SEMA6A: variants seen among roughly 807,000 people sequenced by gnomAD.
The protein encoded by SEMA6A is semaphorin-6A.
Under a neutral mutation model 96.8 loss-of-function variants are expected in SEMA6A, and 25 were observed. The observed-to-expected ratio is 0.26, with a 90% confidence interval of 0.19 to 0.36. SEMA6A has a LOEUF of 0.36. SEMA6A is among the 10% of genes least tolerant of loss of function. The pLI is 1.00. For synonymous variants in SEMA6A, 612 were observed against 518.0 expected, an observed-to-expected ratio of 1.18 and a Z score of -2.46; for missense variants, 1,363 against 1,323.1, an observed-to-expected ratio of 1.03 and a Z score of -0.47.
At chr5:116,516,160 G>C (rs1758657930) in intron 1 of SEMA6A, among the ~76,000 whole-genome samples, 1 of 152,096 alleles carries the variant, frequency 6.6e-6, no homozygotes, top group Non-Finnish European at 1.5e-5. Flanking sequence ...GTTTCTATTT[G>C]ATTACAAGCT....
intron 18 of SEMA6A, among the ~76,000 whole-genome samples, chr5:116,455,393 CAG>C (rs1364468525): frequency 2.0e-5 from 3 of 152,222 alleles, no homozygotes; most frequent in Non-Finnish European, 4.4e-5. Context: ...AAAGTTTTAG[CAG>C]AGTCTGCAAG....
chr5:116,501,804 T>C (rs1379101844), intron 3 of SEMA6A, among the ~76,000 whole-genome samples: 1 of 152,090 alleles, frequency 6.6e-6, no homozygotes, highest in Non-Finnish European at 1.5e-5. Flanking sequence ...AGAGAATTGC[T>C]TGAACCCAGG....
chr5:116,474,837 A>G (rs1445958080), intron 16 of SEMA6A, among the ~76,000 whole-genome samples: 1 of 152,220 alleles, frequency 6.6e-6, no homozygotes, highest in Non-Finnish European at 1.5e-5. Context: ...AGAGTATGGT[A>G]TTATTCTTTA....
intron 1 of SEMA6A, among the ~76,000 whole-genome samples, chr5:116,505,438 G>C (rs1758098575): frequency 6.9e-6 from 1 of 144,590 alleles, no homozygotes; most frequent in South Asian, 2.3e-4. Flanking sequence ...CCAACACACA[G>C]GTACACAGAC....
At chr5:116,477,266 AGGC>A (rs1308035921) in intron 15 of SEMA6A, among the ~76,000 whole-genome samples, 421 of 152,348 alleles carry the variant, frequency 2.8e-3, no homozygotes, top group Non-Finnish European at 4.7e-3. Flanking sequence ...CCAAAATCAT[AGGC>A]ATGGTGGACT....
At chr5:116,525,747 A>G (rs1232735788) in intron 1 of SEMA6A, among the ~76,000 whole-genome samples, 1 of 152,230 alleles carries the variant, frequency 6.6e-6, no homozygotes, top group Non-Finnish European at 1.5e-5. Context: ...GGAATAGCCT[A>G]TAGTCATTGG....
intron 18 of SEMA6A, among the ~76,000 whole-genome samples, chr5:116,448,777 C>A (rs779939363): frequency 0.038 from 2,835 of 75,400 alleles, 40 homozygotes; most frequent in Non-Finnish European, 0.061. Flanking sequence ...AAAAAAAAAA[C>A]AGTGCAAACT....
chr5:116,475,684 G>C (rs1174348703), intron 15 of SEMA6A, 81 bp from the exon 16 acceptor site: 6 of 995,182 alleles, frequency 6.0e-6, no homozygotes, highest in Non-Finnish European at 9.2e-6. Flanking sequence ...CTTCACTAAA[G>C]ACAGTAACAC....
At chr5:116,483,101 A>C (rs1580417921) in intron 10 of SEMA6A, among the ~76,000 whole-genome samples, 2 of 152,346 alleles carry the variant, frequency 1.3e-5, no homozygotes, top group South Asian at 4.1e-4. Context: ...CTGTACATTT[A>C]AATTTTTACC....
chr5:116,475,240 T>C lies in SEMA6A; in HGVS notation c.1708+305A>G, dbSNP rs528270683. The stretch of plus-strand genomic sequence containing the variant: ...AGCATGTTTTTAAAAACAGCAAAAC[T>C]GTCATTTTGTAATGGAAATGCTGAT... On this transcript the variant is annotated intron_variant, in intron 16 of 18. Transcript: ENST00000343348. Among the ~76,000 whole-genome samples the C allele has an allele frequency of 2.0e-5, 3 of 152,340 alleles. No homozygotes were observed. The East Asian group carries it at 5.8e-4, about 29-fold the overall frequency.
Position 116,513,132 on chromosome 5 carries a change from T to TC in SEMA6A, c.-38-8151_-38-8150insG, listed in dbSNP as rs565250583. On this transcript the variant is annotated intron_variant, in intron 1 of 18. Transcript: ENST00000343348. ...ATCCATTATAAAGGCAGCTATCTTTTTTTTTTTCCCCCGCGACGGAGTTTC... is the reference window on the plus strand; with the variant it reads ...ATCCATTATAAAGGCAGCTATCTTTTCTTTTTTTCCCCCGCGACGGAGTTTC... Among the ~76,000 whole-genome samples, 37 of 151,942 alleles carry TC rather than the reference T, an allele frequency of 2.4e-4. 1 individual carries two copies. Among genetic ancestry groups the TC allele is most frequent in the Admixed American group, 2.1e-3 (32 of 15,260 alleles).
At chr5:116,525,561 C>G (rs1291183693) in intron 1 of SEMA6A, among the ~76,000 whole-genome samples, 1 of 152,020 alleles carries the variant, frequency 6.6e-6, no homozygotes, top group East Asian at 1.9e-4. Context: ...TTCCAATTTC[C>G]CCCTGTCCTC....
chr5:116,487,397 A>G (rs925544828), intron 9 of SEMA6A, among the ~76,000 whole-genome samples: 1 of 152,220 alleles, frequency 6.6e-6, no homozygotes, highest in Non-Finnish European at 1.5e-5. Context: ...TCTCTGGTAA[A>G]AAGAACTAAA....
intron 1 of SEMA6A, among the ~76,000 whole-genome samples, chr5:116,515,126 C>A (rs898867928): frequency 1.3e-5 from 2 of 152,082 alleles, no homozygotes; most frequent in Non-Finnish European, 2.9e-5. Context: ...GGTAGAAGGG[C>A]CAGGCCAAGA....
chr5:116,497,428 T>C (rs747625173), intron 3 of SEMA6A, 41 bp from the exon 4 acceptor site: 1 of 1,222,836 alleles, frequency 8.2e-7, no homozygotes, highest in Non-Finnish European at 1.2e-6. Flanking sequence ...AAACACAGAG[T>C]CAAAACAGTT....
At chr5:116,497,474 A>T in intron 3 of SEMA6A, 87 bp from the exon 4 acceptor site, 1 of 747,530 alleles carries the variant, frequency 1.3e-6, no homozygotes, top group Non-Finnish European at 2.2e-6. Flanking sequence ...TTATCAGGGC[A>T]GATAAGCCCA....
intron 1 of SEMA6A, among the ~76,000 whole-genome samples, chr5:116,516,946 G>T (rs991350690): frequency 6.6e-6 from 1 of 152,136 alleles, no homozygotes; most frequent in African/African-American, 2.4e-5. Context: ...CATTGTTTTT[G>T]AAGTCTGCCC....
rs1207564107 is a variant in SEMA6A at position 116,443,841 on chromosome 5, G to A, written c.*2772C>T. ...GGACCCTCCCCCCACACACAGTGGG[G>A]AAAAAAACTGGGGAGAAATACTTAA... On this transcript the variant is annotated 3_prime_UTR_variant, in exon 19 of 19. Coordinates refer to ENST00000343348, the MANE Select transcript of SEMA6A (RefSeq NM_020796.5). 1 of 152,464 alleles carries A rather than the reference G, an allele frequency of 6.6e-6. No homozygotes were observed. The highest frequency in any genetic ancestry group is 1.5e-5 in the Non-Finnish European group (1 of 68,014). 9.4% of individuals were successfully genotyped at this position (152,464 alleles called of 1,614,324 possible).
chr5:116,449,008 A>T, intron 18 of SEMA6A, among the ~76,000 whole-genome samples: 1 of 152,244 alleles, frequency 6.6e-6, no homozygotes, highest in East Asian at 1.9e-4. Flanking sequence ...ATCTTACACT[A>T]CATTAACCAG....
Sources: allele counts gnomAD v4.1 joint callset (sites outside exome capture counted in the v4.1 genomes callset), GRCh38; gene constraint gnomAD v4.1.1; transcripts MANE v1.5; gene names NCBI Gene and HGNC (gene_info 2026-07-23, HGNC 2026-07-21).